The following CCPG1 variants were observed in gnomAD, a reference collection of about 807,000 sequenced individuals.
The protein encoded by CCPG1 is cell cycle progression 1.
In CCPG1, 46 loss-of-function variants were observed where a neutral mutation model predicts 81.3. That is an observed-to-expected ratio of 0.57 (90% confidence interval 0.45 to 0.72). CCPG1 has a LOEUF of 0.72. Among genes scored for constraint, CCPG1 ranks in the 30% least tolerant of loss-of-function variants. The pLI is 0.00. For missense variants in CCPG1, 902 were observed against 937.6 expected (o/e 0.96, Z 0.50); for synonymous variants, 330 against 305.2 (o/e 1.08, Z -0.85).
At chr15:55,382,381 A>C (rs2056716262) in intron 3 of CCPG1, among the ~76,000 whole-genome samples, 1 of 152,234 alleles carries the variant, frequency 6.6e-6, no homozygotes, top group East Asian at 1.9e-4. Context: ...TAATATTCAC[A>C]GCATCTTCAC....
chr15:55,380,781 G>A (rs2056672654), intron 3 of CCPG1, among the ~76,000 whole-genome samples: 1 of 152,004 alleles, frequency 6.6e-6, no homozygotes, highest in East Asian at 2.0e-4. Flanking sequence ...TTGAGCGGCT[G>A]AGGCAGGCAG....
chr15:55,373,392 C>T (rs1204335680), intron 5 of CCPG1, among the ~76,000 whole-genome samples: 5 of 152,104 alleles, frequency 3.3e-5, no homozygotes, highest in Admixed American at 6.5e-5. Context: ...ATATCCATGC[C>T]ACAGGAAAGC....
Position 55,371,955 on chromosome 15 carries a change from T to G in CCPG1, c.544A>C (p.Lys182Gln). The change falls in exon 6 of 9, where the codon AAG becomes CAG. Residue 182 changes from lysine (K) to glutamine (Q), a missense_variant. Physicochemically the swap from Lys to Gln is moderately conservative, Grantham distance 53 (BLOSUM62 1). Around this residue, in one of 3 missense-constraint regions of CCPG1, gnomAD observed 746 missense variants for 728.6 expected, o/e 1.02. Coordinates refer to ENST00000442196, the MANE Select transcript of CCPG1 (RefSeq NM_001204450.2). ...GATTCTGAAGCAGAAACGGTCTTCT[T>G]CCTAGCACGGCGTCGTCTAAAGGCA... The part of the protein sequence containing the change: ...SPAFRRRRAR[K>Q]KTVSASESED... The G allele has an allele frequency of 6.2e-7, 1 of 1,614,202 alleles. No homozygotes were observed. The highest frequency in any genetic ancestry group is 8.5e-7 in the Non-Finnish European group (1 of 1,180,026).
chr15:55,380,533 A>G lies in CCPG1; in HGVS notation c.176-2157T>C, dbSNP rs980277834. Among the ~76,000 whole-genome samples the G allele has an allele frequency of 8.6e-4, 131 of 151,670 alleles. 2 individuals carry two copies. Among genetic ancestry groups the G allele is most frequent in the African/African-American group, 3.1e-3 (128 of 41,394 alleles). ...GATGGTCTTGATCTCCTGACCCCGT[A>G]AGCCGCCCGCCTCGGCCACCCAAAG... On this transcript the variant is annotated intron_variant, in intron 3 of 8. Transcript: ENST00000442196.
Position 55,360,419 on chromosome 15 carries a change from A to G in CCPG1, c.1354T>C (p.Tyr452His). ...CCATTTTGATCTTTTGCCTCAACATACAATCTTTCCCACAAATCAGAACGC... is the reference window on the plus strand; with the variant it reads ...CCATTTTGATCTTTTGCCTCAACATGCAATCTTTCCCACAAATCAGAACGC... ...QQRSDLWERL[Y>H]VEAKDQNGKQ... The change falls in exon 8 of 9, where the codon TAT becomes CAT. Residue 452 changes from tyrosine (Y) to histidine (H), a missense_variant. By Grantham distance (83) the Tyr-to-His change is moderately conservative. Around this residue, in one of 3 missense-constraint regions of CCPG1, gnomAD observed 746 missense variants for 728.6 expected, o/e 1.02. Transcript: ENST00000442196. 1 of 1,613,752 alleles carries G rather than the reference A, an allele frequency of 6.2e-7. No homozygotes were observed. The highest frequency in any genetic ancestry group is 8.5e-7 in the Non-Finnish European group (1 of 1,180,016).
chr15:55,401,241 T>A (rs758921793), intron 1 of CCPG1, among the ~76,000 whole-genome samples: 1 of 152,208 alleles, frequency 6.6e-6, no homozygotes, highest in African/African-American at 2.4e-5. Flanking sequence ...CATTTATTAA[T>A]CCATTTCTGT....
At chr15:55,376,412 A>G (rs1385208331) in intron 5 of CCPG1, among the ~76,000 whole-genome samples, 1 of 152,248 alleles carries the variant, frequency 6.6e-6, no homozygotes, top group African/African-American at 2.4e-5. Flanking sequence ...TGACATTTTC[A>G]TAACAGAATC....
chr15:55,386,531 C>T (rs1162920755), intron 2 of CCPG1, among the ~76,000 whole-genome samples: 1 of 152,146 alleles, frequency 6.6e-6, no homozygotes, highest in East Asian at 1.9e-4. Flanking sequence ...AGTCTGCTGA[C>T]ACATGGAATC....
chr15:55,371,001 T>C (rs1260581934), intron 6 of CCPG1, among the ~76,000 whole-genome samples: 1 of 152,002 alleles, frequency 6.6e-6, no homozygotes, highest in African/African-American at 2.4e-5. Context: ...TTATCCCAGT[T>C]ACTCCGGAGG....
chr15:55,366,308 ATTT>A (rs61214049), intron 6 of CCPG1, among the ~76,000 whole-genome samples: 2 of 147,896 alleles, frequency 1.4e-5, no homozygotes, highest in Non-Finnish European at 3.0e-5. Flanking sequence ...AAAAATGAAA[ATTT>A]TTTTTTTTTT....
In CCPG1 at chr15:55,359,552, G is replaced by A; in HGVS notation, c.2221C>T (p.Pro741Ser). 1.2e-6 allele frequency: 2 copies of A among 1,607,206 alleles called. No individual in the cohort carries two copies. Among genetic ancestry groups the A allele is most frequent in the Non-Finnish European group, 1.7e-6 (2 of 1,177,624 alleles). The change falls in exon 8 of 9, where the codon CCA becomes TCA. Residue 741 changes from proline (P) to serine (S), a missense_variant. Transcript: ENST00000442196. ...ATGTAAACCGACCTGGGTCCATATGGAGGGGAAAAAGTGTGACCAAAGAAG... is the reference window on the plus strand; with the variant it reads ...ATGTAAACCGACCTGGGTCCATATGAAGGGGAAAAAGTGTGACCAAAGAAG... The part of the protein sequence containing the change: ...RHFFGHTFSP[P>S]YGPSRPDKKQ...
intron 7 of CCPG1, among the ~76,000 whole-genome samples, chr15:55,363,355 AAAAC>A (rs1470828359): frequency 6.9e-6 from 1 of 145,278 alleles, no homozygotes; most frequent in Non-Finnish European, 1.5e-5. Flanking sequence ...TCTCAGAAAA[AAAAC>A]AAACAAAACA....
Position 55,359,595 on chromosome 15 carries a change from A to C in CCPG1, c.2178T>G (p.Asp726Glu). 6.2e-7 allele frequency: 1 copy of C among 1,613,156 alleles called. No individual in the cohort carries two copies. The highest frequency in any genetic ancestry group is 2.2e-5 in the East Asian group (1 of 44,832). The change falls in exon 8 of 9, where the codon GAT becomes GAG. Residue 726 changes from aspartate to glutamate, a missense_variant. By Grantham distance (45) the Asp-to-Glu change is conservative. Coordinates refer to ENST00000442196, the MANE Select transcript of CCPG1 (RefSeq NM_001204450.2). ...CAAAGAAGTGTCTATATATATATTC[A>C]TCCAACTTCTCAAATACTCCATCAT... ...VDNDGVFEKL[D>E]EYIYRHFFGH...
chr15:55,378,534 T>G (rs530510432), intron 3 of CCPG1, among the ~76,000 whole-genome samples, 158 bp from the exon 4 acceptor site: 418 of 152,354 alleles, frequency 2.7e-3, no homozygotes, highest in Non-Finnish European at 4.9e-3. Context: ...GTCACTCCAC[T>G]GTTGCTAATG....
At chr15:55,361,701 T>C (rs1215199540) in intron 7 of CCPG1, among the ~76,000 whole-genome samples, 1 of 140,754 alleles carries the variant, frequency 7.1e-6, no homozygotes, top group Non-Finnish European at 1.5e-5. Flanking sequence ...CGAGACTCTG[T>C]CTCAAAAAAA....
Position 55,358,401 on chromosome 15 carries a change from G to A in CCPG1, c.2234+1138C>T, listed in dbSNP as rs146871668. 367 of 985,350 alleles carry A rather than the reference G, an allele frequency of 3.7e-4. 1 individual carries two copies. Among genetic ancestry groups the A allele is most frequent in the Admixed American group, 9.2e-4 (15 of 16,266 alleles). The allele number at this position is 985,350 out of a possible 1,614,324, so 61.0% of individuals were successfully genotyped here. A position where few individuals can be genotyped will look rare whatever the true frequency, so the allele number is the denominator to read the frequency against. On this transcript the variant is annotated intron_variant, in intron 8 of 8. Transcript: ENST00000442196. ...AATACAATATAATCTTATCCCACCC[G>A]CCTTGAAAATTCTTCAGAAGTTCTC...
rs530253313 is a variant in CCPG1, at chr15:55,408,240, T to G, written c.-29A>C. ...CAGTACCTGAAGGGGCAGCGCCACC[T>G]CCGCCCGATTGTGCTGGCTGCCCCA... On this transcript the variant is annotated 5_prime_UTR_variant, in exon 1 of 9. Transcript: ENST00000442196. The G allele has an allele frequency of 1.3e-3, 196 of 153,332 alleles. 2 individuals carry two copies. The highest frequency in any genetic ancestry group is 2.2e-3 in the Non-Finnish European group (148 of 68,590). The allele number at this position is 153,332 out of a possible 1,614,324, so 9.5% of individuals were successfully genotyped here.
At chr15:55,384,792 T>C (rs1293618508) in intron 3 of CCPG1, among the ~76,000 whole-genome samples, 1 of 152,140 alleles carries the variant, frequency 6.6e-6, no homozygotes, top group Admixed American at 6.5e-5. Context: ...CCACAAACTT[T>C]CAATTTGTAA....
intron 1 of CCPG1, among the ~76,000 whole-genome samples, chr15:55,400,257 T>A (rs1230300120): frequency 2.5e-5 from 3 of 121,974 alleles, no homozygotes; most frequent in East Asian, 5.6e-4. Context: ...ACACCTGTAA[T>A]CCCAGCACTT....
Sources: gnomAD v4.1 joint callset for allele counts (sites outside exome capture counted in the v4.1 genomes callset) on GRCh38, gnomAD v4.1.1 for gene constraint, gnomAD v4.1.1 regional missense constraint, MANE v1.5 for transcripts, NCBI Gene and HGNC (gene_info 2026-07-23, HGNC 2026-07-21) for gene names.